The following PLCB4 variants were observed in gnomAD, a reference collection of about 807,000 sequenced individuals.
PLCB4 encodes phospholipase C beta 4.
PLCB4 carries 77 observed loss-of-function variants against 178.8 expected under a neutral mutation model. That is an observed-to-expected ratio of 0.43 (90% CI 0.36 to 0.52). The LOEUF (loss-of-function observed/expected upper bound fraction) is 0.52. Ranked by LOEUF, PLCB4 falls within the 20% of genes least tolerant of loss-of-function variation. PLCB4 has a pLI of 0.00. For synonymous variants in PLCB4, 496 were observed against 490.8 expected, an observed-to-expected ratio of 1.01 and a Z score of -0.14; for missense variants, 1,024 against 1,453.4, an observed-to-expected ratio of 0.70 and a Z score of 4.80.
chr20:9,328,776 G>A lies in PLCB4; in HGVS notation c.85-8350G>A, dbSNP rs189594608. The stretch of plus-strand genomic sequence containing the variant: ...GCGTTGTTTGTCTGGGGTAATACCC[G>A]AGGTTCGTTGTCCCACAGCCATGGA... On this transcript the variant is annotated intron_variant, in intron 4 of 39. Coordinates refer to ENST00000378473, the MANE Select transcript of PLCB4 (RefSeq NM_001377142.1). Among the ~76,000 whole-genome samples, 236 of 152,304 alleles carry A rather than the reference G, an allele frequency of 1.5e-3. 2 individuals carry two copies. The highest frequency in any genetic ancestry group is 1.9e-3 in the Non-Finnish European group (127 of 68,022).
chr20:9,360,912 G>T (rs544901939), intron 7 of PLCB4, among the ~76,000 whole-genome samples: 29 of 152,222 alleles, frequency 1.9e-4, no homozygotes, highest in African/African-American at 7.0e-4. Flanking sequence ...ACCAGGATCA[G>T]CAAAAACTGT....
chr20:9,437,801 G>A (rs2041867194), intron 30 of PLCB4, among the ~76,000 whole-genome samples: 1 of 152,218 alleles, frequency 6.6e-6, no homozygotes, highest in African/African-American at 2.4e-5. Context: ...TTCATTGAAA[G>A]TGGGCATGCT....
intron 3 of PLCB4, among the ~76,000 whole-genome samples, chr20:9,279,237 T>C (rs769107383): frequency 2.0e-5 from 3 of 152,104 alleles, no homozygotes; most frequent in East Asian, 1.9e-4. Context: ...TGTGAGTTCA[T>C]TGAATGCTTC....
chr20:9,114,500 C>T (rs114353883), intron 2 of PLCB4, among the ~76,000 whole-genome samples: 1 of 152,228 alleles, frequency 6.6e-6, no homozygotes, highest in African/African-American at 2.4e-5. Flanking sequence ...TCTGAGCTCA[C>T]TGCATTAAGA....
At chr20:9,449,869 T>C (rs967442900) in intron 32 of PLCB4, among the ~76,000 whole-genome samples, 1 of 152,104 alleles carries the variant, frequency 6.6e-6, no homozygotes, top group African/African-American at 2.4e-5. Context: ...AGTTTTGCAG[T>C]GGAAAGGGGC....
At chr20:9,472,752 A>G in intron 36 of PLCB4, 38 bp from the exon 37 acceptor site, 3 of 1,292,620 alleles carry the variant, frequency 2.3e-6, no homozygotes, top group Non-Finnish European at 3.3e-6. Flanking sequence ...ATTTCATTCA[A>G]TGTCATACCA....
intron 25 of PLCB4, among the ~76,000 whole-genome samples, chr20:9,413,550 T>C (rs2040017804): frequency 6.6e-6 from 1 of 151,640 alleles, no homozygotes; most frequent in Non-Finnish European, 1.5e-5. Flanking sequence ...TCCCAGCTAC[T>C]TGGGAGGCTG....
At chr20:9,169,585 T>TAATAAATAAATA (rs11473517) in intron 2 of PLCB4, among the ~76,000 whole-genome samples, 104 of 144,492 alleles carry the variant, frequency 7.2e-4, no homozygotes, top group African/African-American at 2.0e-3. Context: ...CAAGACTGTC[T>TAATAAATAAATA]AATAAATAAA....
At chr20:9,089,416 CA>C (rs2090578609) in intron 1 of PLCB4, among the ~76,000 whole-genome samples, 1 of 151,912 alleles carries the variant, frequency 6.6e-6, no homozygotes, top group Non-Finnish European at 1.5e-5. Context: ...GGGAAGAAGG[CA>C]AAACTACCTT....
At chr20:9,347,221 G>T (rs1485318752) in intron 7 of PLCB4, among the ~76,000 whole-genome samples, 3 of 152,152 alleles carry the variant, frequency 2.0e-5, no homozygotes, top group African/African-American at 4.8e-5. Flanking sequence ...GTTGAGGGGG[G>T]CACTTTCACT....
At position 9,453,606 on chromosome 20, in the gene PLCB4, C is replaced by G. The variant is rs117941372; in HGVS notation, c.2996+144C>G. The G allele has an allele frequency of 5.0e-3, 2,960 of 591,906 alleles. 19 individuals carry two copies. Among genetic ancestry groups the G allele is most frequent in the East Asian group, 0.028 (1,010 of 35,570 alleles). 36.7% of individuals were successfully genotyped at this position (591,906 alleles called of 1,614,324 possible). A position where few individuals can be genotyped will look rare whatever the true frequency, so the allele number is the denominator to read the frequency against. ...AAAATTATTCCTGGGAAGTAAGAAACTCATTCATTTTAAATGCTCTAACAT... is the reference window on the plus strand; with the variant it reads ...AAAATTATTCCTGGGAAGTAAGAAAGTCATTCATTTTAAATGCTCTAACAT... On this transcript the variant is annotated intron_variant, in intron 33 of 39. Transcript: ENST00000378473.
chr20:9,401,349 T>G, intron 19 of PLCB4, 141 bp from the exon 20 acceptor site: 1 of 605,056 alleles, frequency 1.7e-6, no homozygotes, highest in Non-Finnish European at 3.0e-6. Context: ...CTTGAAAAAA[T>G]ACTGCATATA....
In PLCB4 at chr20:9,164,487, G is replaced by A. The variant is rs1277482511; in HGVS notation, c.-78-52903G>A. ...AAAATATTTTTCTCATCATATGACA[G>A]TCTCTTAAATACAATATTTTAGTTA... On this transcript the variant is annotated intron_variant, in intron 2 of 39. Coordinates refer to ENST00000378473, the MANE Select transcript of PLCB4 (RefSeq NM_001377142.1). 2.6e-5 allele frequency among the ~76,000 whole-genome samples: 4 copies of A among 152,166 alleles called. No homozygotes were observed. In the East Asian group the frequency reaches 7.7e-4, roughly 29 times the overall value.
intron 4 of PLCB4, among the ~76,000 whole-genome samples, chr20:9,310,443 T>C (rs1336937316): frequency 6.6e-6 from 1 of 152,078 alleles, no homozygotes; most frequent in Non-Finnish European, 1.5e-5. Flanking sequence ...GGGCACAGTG[T>C]CTTATGCCTG....
At chr20:9,068,926 A>ACGGGGAGG (rs1419085809), upstream of PLCB4, 5 of 131,846 alleles carry the variant, frequency 3.8e-5, no homozygotes, top group African/African-American at 1.1e-4. Flanking sequence ...CGGCGCGGAG[A>ACGGGGAGG]CGGGGAGGCG....
chr20:9,342,419 A>C (rs1046587365), intron 7 of PLCB4, among the ~76,000 whole-genome samples: 3 of 152,190 alleles, frequency 2.0e-5, no homozygotes, highest in Admixed American at 6.5e-5. Flanking sequence ...TCAGGGGGCC[A>C]TGAAATATAC....
At chr20:9,365,314 C>T (rs904909739) in intron 8 of PLCB4, 147 bp from the exon 9 acceptor site, 16 of 554,158 alleles carry the variant, frequency 2.9e-5, no homozygotes, top group East Asian at 6.0e-5. Context: ...AATCTGACAA[C>T]CCTAAATTCA....
chr20:9,282,181 C>T (rs1022837524), intron 3 of PLCB4, among the ~76,000 whole-genome samples: 3 of 151,980 alleles, frequency 2.0e-5, no homozygotes, highest in Non-Finnish European at 4.4e-5. Context: ...ATGACCAAGG[C>T]ATTCCTTTCC....
At chr20:9,258,488 G>A (rs1442527243) in intron 3 of PLCB4, among the ~76,000 whole-genome samples, 1 of 151,994 alleles carries the variant, frequency 6.6e-6, no homozygotes, top group Non-Finnish European at 1.5e-5. Flanking sequence ...AGGCCGAGGT[G>A]GGTGGATCAT....
Sources: allele counts gnomAD v4.1 joint callset (sites outside exome capture counted in the v4.1 genomes callset), GRCh38; gene constraint gnomAD v4.1.1; transcripts MANE v1.5; gene names NCBI Gene and HGNC (gene_info 2026-07-23, HGNC 2026-07-21).